The following ZC3H4 variants were observed in gnomAD, a reference collection of about 807,000 sequenced individuals.
The protein encoded by ZC3H4 is zinc finger CCCH domain-containing protein 4.
A neutral mutation model predicts 108.3 loss-of-function variants in ZC3H4; 13 were observed. The ratio of observed to expected loss-of-function variants is 0.12; its 90% CI spans 0.08 to 0.19. ZC3H4 has a LOEUF of 0.19. Among genes scored for constraint, ZC3H4 ranks in the 10% least tolerant of loss-of-function variants. The pLI, the probability that ZC3H4 is intolerant of heterozygous loss-of-function variation, is 1.00. For synonymous variants in ZC3H4, 917 were observed against 749.6 expected (o/e 1.22, Z -3.65); for missense variants, 1,734 against 1,838.8 (o/e 0.94, Z 1.04).
In ZC3H4 at chr19:47,096,880, A is replaced by G. The variant is rs57584739; in HGVS notation, c.162-2272T>C. The G allele has an allele frequency of 4.2e-3, 4,115 of 985,336 alleles. 150 individuals carry two copies. The African/African-American group carries it at 0.068, about 16-fold the overall frequency. The allele number at this position is 985,336 out of a possible 1,614,324, so 61.0% of individuals were successfully genotyped here. On this transcript the variant is annotated intron_variant, in intron 2 of 14. Transcript: ENST00000253048. ...ATCAGGGCTGGGTCAGCTGAGCCGGAGTGGGTGGCAGCCTCAGCACGCCCT... is the reference window on the plus strand; with the variant it reads ...ATCAGGGCTGGGTCAGCTGAGCCGGGGTGGGTGGCAGCCTCAGCACGCCCT...
At position 47,069,168 on chromosome 19, in the gene ZC3H4, C is replaced by G. The variant is rs778628328; in HGVS notation, c.2322G>C (p.Gln774His). ...TCTCCTCCTCCTCCTGCTGCTTCTGCTGGATCCTCAGGTACAGGGCCCTCT... is the reference window on the plus strand; with the variant it reads ...TCTCCTCCTCCTCCTGCTGCTTCTGGTGGATCCTCAGGTACAGGGCCCTCT... ...SAQRALYLRIQQKQQEEEERA... is the reference protein window; with the variant it reads ...SAQRALYLRIHQKQQEEEERA... Residue 774 changes from glutamine to histidine, a missense_variant, in exon 14 of 15, where the codon CAG becomes CAC. By Grantham distance (24) the Gln-to-His change is conservative. Around this residue, in one of 9 missense-constraint regions of ZC3H4, gnomAD observed 540 missense variants for 484.1 expected, o/e 1.12. Transcript: ENST00000253048. 3 of 1,609,200 alleles carry G rather than the reference C, an allele frequency of 1.9e-6. No homozygotes were observed. Among genetic ancestry groups the G allele is most frequent in the Admixed American group, 1.7e-5 (1 of 60,002 alleles).
chr19:47,070,918 C>T (rs1438554374), intron 13 of ZC3H4, among the ~76,000 whole-genome samples: 1 of 152,218 alleles, frequency 6.6e-6, no homozygotes, highest in Non-Finnish European at 1.5e-5. Flanking sequence ...CCTTGCACTC[C>T]AGTGGCCGCC....
At chr19:47,105,724 A>G (rs547556785) in intron 2 of ZC3H4, among the ~76,000 whole-genome samples, 178 of 152,338 alleles carry the variant, frequency 1.2e-3, no homozygotes, top group Non-Finnish European at 2.1e-3. Context: ...ACTTTTTGAC[A>G]CTGACCCACA....
chr19:47,112,397 C>A, intron 2 of ZC3H4, 27 bp downstream of exon 2: 1 of 1,232,678 alleles, frequency 8.1e-7, no homozygotes, highest in Non-Finnish European at 1.0e-6. Context: ...CCCGGGGACG[C>A]AGCCCCGGCC....
chr19:47,112,507 C>T lies in ZC3H4; in HGVS notation c.78G>A (p.Thr26=), dbSNP rs769211818. 1.7e-4 allele frequency: 193 copies of T among 1,104,772 alleles called. 1 individual carries two copies. The highest frequency in any genetic ancestry group is 1.6e-4 in the Non-Finnish European group (139 of 863,408). 68.4% of individuals were successfully genotyped at this position (1,104,772 alleles called of 1,614,324 possible). ...CGGGGGAACACGGAGGAGGCGAAGGCGTTGATGGCGGCGGCGGCGATGGCG... is the reference window on the plus strand; with the variant it reads ...CGGGGGAACACGGAGGAGGCGAAGGTGTTGATGGCGGCGGCGGCGATGGCG... ...PPPPSPPPPS[T]PSPPPCSPDA... The change falls in exon 2 of 15, where the codon ACG becomes ACA. Residue 26 remains threonine (T), a synonymous_variant. Coordinates refer to ENST00000253048, the MANE Select transcript of ZC3H4 (RefSeq NM_015168.2).
intron 13 of ZC3H4, 79 bp downstream of exon 13, chr19:47,071,699 G>GA: frequency 1.4e-6 from 2 of 1,459,886 alleles, no homozygotes; most frequent in South Asian, 2.7e-5. Flanking sequence ...GACGAAGGAA[G>GA]AAAAATCACA....
Position 47,096,640 on chromosome 19 carries a change from C to T in ZC3H4, c.162-2032G>A, listed in dbSNP as rs554659505. Among the ~76,000 whole-genome samples the T allele has an allele frequency of 6.4e-4, 97 of 152,268 alleles. No individual in the cohort carries two copies. The Middle Eastern group carries it at 0.01, about 16-fold the overall frequency. The stretch of plus-strand genomic sequence containing the variant: ...CGGACAGACTGAGCGGGAGAAGGCC[C>T]GGGACAGACTGGAGGTATACATGCT... On this transcript the variant is annotated intron_variant, in intron 2 of 14. Coordinates refer to ENST00000253048, the MANE Select transcript of ZC3H4 (RefSeq NM_015168.2).
rs1276497345 is a variant in ZC3H4 at position 47,067,906 on chromosome 19, G to A, written c.2399-37C>T. The A allele has an allele frequency of 1.3e-6, 2 of 1,538,020 alleles. No homozygotes were observed. The highest frequency in any genetic ancestry group is 1.7e-6 in the Non-Finnish European group (2 of 1,142,976). ...CAGAGGAGCAGGGAGGGGTGAGTGG[G>A]CGCATCCACCACCCGCCCTCTTGGA... On this transcript the variant is annotated intron_variant, in intron 14 of 14. Coordinates refer to ENST00000253048, the MANE Select transcript of ZC3H4 (RefSeq NM_015168.2). The surrounding 1 kb of genome is among the most constrained non-coding windows in gnomAD (Gnocchi z 6.4).
At chr19:47,069,513 C>T (rs2057288592) in intron 13 of ZC3H4, among the ~76,000 whole-genome samples, 170 bp from the exon 14 acceptor site, 1 of 152,182 alleles carries the variant, frequency 6.6e-6, no homozygotes, top group African/African-American at 2.4e-5. Context: ...CCATGGGTAG[C>T]CCCGCCTACA....
Position 47,066,453 on chromosome 19 carries a change from G to A in ZC3H4, c.3815C>T (p.Ala1272Val), listed in dbSNP as rs2057196164. ...ACCCTCGCGGGCCGGACTGTTCCCA[G>A]CAAATGGGCTTCCTGAGCCCGTCTT... ...TPKTGSGSPF[A>V]GNSPAREGEQ... Residue 1272 changes from alanine to valine, a missense_variant, in exon 15 of 15, where the codon GCT (alanine) becomes GTT (valine). This residue lies in a region of ZC3H4 where 518 missense variants were observed against 499.6 expected (regional missense o/e 1.04). Transcript: ENST00000253048. 2 of 1,579,754 alleles carry A rather than the reference G, an allele frequency of 1.3e-6. No individual in the cohort carries two copies. The highest frequency in any genetic ancestry group is 1.7e-6 in the Non-Finnish European group (2 of 1,163,660).
intron 14 of ZC3H4, among the ~76,000 whole-genome samples, chr19:47,068,574 G>C (rs59919175): frequency 6.6e-6 from 1 of 152,112 alleles, no homozygotes; most frequent in Non-Finnish European, 1.5e-5. Flanking sequence ...TGGCTCCTGC[G>C]CTACAGTCAG....
At chr19:47,081,722 G>C in intron 10 of ZC3H4, 100 bp from the exon 11 acceptor site, 1 of 1,071,122 alleles carries the variant, frequency 9.3e-7, no homozygotes, top group Middle Eastern at 2.0e-4. Flanking sequence ...TTGGAGATAA[G>C]AAATCTGAGC....
rs549404025 is a variant in ZC3H4 at position 47,067,995 on chromosome 19, C to G, written c.2399-126G>C. ...GCCTCTCAGAACCTCAGGTCCTCCT[C>G]TCTAAGGCTCCCTCCCCACAGTGGG... On this transcript the variant is annotated intron_variant, in intron 14 of 14. Coordinates refer to ENST00000253048, the MANE Select transcript of ZC3H4 (RefSeq NM_015168.2). The surrounding 1 kb of genome is among the most constrained non-coding windows in gnomAD (Gnocchi z 6.4). 31 of 925,066 alleles carry G rather than the reference C, an allele frequency of 3.4e-5. No individual in the cohort carries two copies. Among genetic ancestry groups the G allele is most frequent in the Admixed American group, 3.0e-4 (13 of 43,204 alleles). 57.3% of individuals were successfully genotyped at this position (925,066 alleles called of 1,614,324 possible). A position where few individuals can be genotyped will look rare whatever the true frequency, so the allele number is the denominator to read the frequency against.
intron 2 of ZC3H4, among the ~76,000 whole-genome samples, chr19:47,099,625 CTCTAA>C (rs749879754): frequency 6.6e-6 from 1 of 151,950 alleles, no homozygotes; most frequent in Non-Finnish European, 1.5e-5. Flanking sequence ...CCTTCCTCAG[CTCTAA>C]TCTAGGCAGT....
At chr19:47,096,997 C>T (rs1193877204) in intron 2 of ZC3H4, 3 of 985,176 alleles carry the variant, frequency 3.0e-6, no homozygotes, top group East Asian at 2.3e-4. Context: ...CTCGCTGGCT[C>T]GGACGAAGGT....
chr19:47,088,330 G>A (rs1463540107), intron 5 of ZC3H4, among the ~76,000 whole-genome samples: 3 of 151,830 alleles, frequency 2.0e-5, no homozygotes, highest in South Asian at 4.2e-4. Flanking sequence ...GGCGGATCAC[G>A]AGGTCGAGAG....
At chr19:47,089,043 T>G (rs1356501833) in intron 5 of ZC3H4, among the ~76,000 whole-genome samples, 1 of 151,110 alleles carries the variant, frequency 6.6e-6, no homozygotes, top group Non-Finnish European at 1.5e-5. Flanking sequence ...CCGTCTCTAC[T>G]AAAAATACAA....
At chr19:47,097,817 C>G (rs188166183) in intron 2 of ZC3H4, among the ~76,000 whole-genome samples, 6 of 152,288 alleles carry the variant, frequency 3.9e-5, no homozygotes, top group Non-Finnish European at 4.4e-5. Context: ...TTGAGACAAG[C>G]AAGCAGGAGA....
chr19:47,066,773 A>C lies in ZC3H4; in HGVS notation c.3495T>G (p.Ala1165=). The C allele has an allele frequency of 1.2e-6, 2 of 1,602,544 alleles. No homozygotes were observed. The highest frequency in any genetic ancestry group is 1.7e-6 in the Non-Finnish European group (2 of 1,178,204). The change falls in exon 15 of 15, where the codon GCT becomes GCG. Residue 1165 remains alanine (A), a synonymous_variant. Coordinates refer to ENST00000253048, the MANE Select transcript of ZC3H4 (RefSeq NM_015168.2). Reference sequence around the variant, plus strand: ...CACCCTTGGGCTGGGCACCCGTGTCAGCAGCCGGCTCTGTGGCTTTGCCCC... The same window carrying C: ...CACCCTTGGGCTGGGCACCCGTGTCCGCAGCCGGCTCTGTGGCTTTGCCCC... The part of the protein sequence containing the change: ...NAGGKATEPA[A]DTGAQPKGAE...
Sources: allele counts gnomAD v4.1 joint callset (sites outside exome capture counted in the v4.1 genomes callset), GRCh38; gene constraint gnomAD v4.1.1; regional missense constraint gnomAD v4.1.1; non-coding constraint Gnocchi (gnomAD v3.1); transcripts MANE v1.5; gene names NCBI Gene and HGNC (gene_info 2026-07-23, HGNC 2026-07-21).